RBFOX1: variants seen among roughly 807,000 people sequenced by gnomAD.
RBFOX1 encodes RNA binding fox-1 homolog 1, also known as RNA binding protein fox-1 homolog 1.
Under a neutral mutation model 57.7 loss-of-function variants are expected in RBFOX1, and 8 were observed. The ratio of observed to expected loss-of-function variants is 0.14; its 90% confidence interval spans 0.08 to 0.25. The LOEUF is 0.25. RBFOX1 is among the 10% of genes least tolerant of loss of function. RBFOX1 has a pLI of 1.00. For synonymous variants in RBFOX1, 326 were observed against 222.4 expected, an observed-to-expected ratio of 1.47 and a Z score of -4.15; for missense variants, 611 against 548.5, an observed-to-expected ratio of 1.11 and a Z score of -1.14.
chr16:7,419,692 C>G (rs1377260071), intron 4 of RBFOX1, among the ~76,000 whole-genome samples: 1 of 152,170 alleles, frequency 6.6e-6, no homozygotes, highest in African/African-American at 2.4e-5. Context: ...TCTCCCGACC[C>G]TCCAGTAGTT....
intron 4 of RBFOX1, among the ~76,000 whole-genome samples, chr16:7,366,341 G>C (rs759975439): frequency 2.6e-5 from 4 of 152,222 alleles, no homozygotes; most frequent in Non-Finnish European, 5.9e-5. Context: ...AAATCACAAA[G>C]GCACGGCACC....
At chr16:5,335,907 T>C (rs2064884537) in intron 1 of RBFOX1, among the ~76,000 whole-genome samples, 1 of 152,194 alleles carries the variant, frequency 6.6e-6, no homozygotes. Context: ...CTGCCATATA[T>C]GGATTCTGTG....
In RBFOX1 at chr16:5,980,476, A is replaced by T. The variant is rs369888651; in HGVS notation, c.351+113141A>T. Among the ~76,000 whole-genome samples the T allele has an allele frequency of 5.3e-5, 8 of 152,296 alleles. No individual in the cohort carries two copies. The East Asian group carries it at 1.4e-3, about 26-fold the overall frequency. Reference sequence around the variant, plus strand: ...ATTCTCGCTCTGGCCCTGGGCAGACAGCAGACCTGAGAGCTGTTCACAGTT... The same window carrying T: ...ATTCTCGCTCTGGCCCTGGGCAGACTGCAGACCTGAGAGCTGTTCACAGTT... On this transcript the variant is annotated intron_variant, in intron 4 of 19. Transcript: ENST00000641259.
intron 2 of RBFOX1, among the ~76,000 whole-genome samples, chr16:6,320,844 A>G (rs530441925): frequency 6.6e-6 from 1 of 152,282 alleles, no homozygotes; most frequent in East Asian, 1.9e-4. Context: ...CCCAGGCTGG[A>G]GTGCAGTGGC....
At chr16:7,672,809 G>C (rs1568390555) in intron 13 of RBFOX1, among the ~76,000 whole-genome samples, 1 of 128,720 alleles carries the variant, frequency 7.8e-6, no homozygotes, top group Non-Finnish European at 1.5e-5. Context: ...ACAGATTGCA[G>C]TGAGCCGAGA....
chr16:5,379,352 C>G (rs984137217), intron 1 of RBFOX1, among the ~76,000 whole-genome samples: 2 of 151,530 alleles, frequency 1.3e-5, no homozygotes, highest in African/African-American at 4.9e-5. Flanking sequence ...CAGAGAAACA[C>G]ACCCCCAGCC....
intron 4 of RBFOX1, among the ~76,000 whole-genome samples, chr16:7,079,768 T>G (rs1001103156): frequency 2.0e-5 from 3 of 152,022 alleles, no homozygotes; most frequent in Non-Finnish European, 4.4e-5. Context: ...AGGGTGGTGT[T>G]TGTGTGTGTT....
chr16:6,381,897 C>G (rs2091853339), intron 2 of RBFOX1, among the ~76,000 whole-genome samples: 1 of 152,230 alleles, frequency 6.6e-6, no homozygotes, highest in African/African-American at 2.4e-5. Flanking sequence ...CCCTGCTGCA[C>G]TGCAGATTCC....
At chr16:5,801,871 G>C (rs1015233283) in intron 3 of RBFOX1, among the ~76,000 whole-genome samples, 10 of 152,182 alleles carry the variant, frequency 6.6e-5, no homozygotes, top group African/African-American at 2.4e-4. Flanking sequence ...TATGGAAGTT[G>C]TGTATGCAGG....
intron 1 of RBFOX1, among the ~76,000 whole-genome samples, chr16:6,076,767 A>T (rs2095908296): frequency 6.6e-6 from 1 of 152,204 alleles, no homozygotes; most frequent in South Asian, 2.1e-4. Flanking sequence ...TACATAGATG[A>T]AATGGGACAG....
At chr16:6,372,750 G>A (rs933493998) in intron 2 of RBFOX1, among the ~76,000 whole-genome samples, 7 of 151,940 alleles carry the variant, frequency 4.6e-5, no homozygotes, top group Non-Finnish European at 8.8e-5. Context: ...TTGGATGGAA[G>A]GACAGTTGGT....
chr16:5,424,003 G>C (rs1400884045), intron 1 of RBFOX1, among the ~76,000 whole-genome samples: 1 of 152,142 alleles, frequency 6.6e-6, no homozygotes, highest in Non-Finnish European at 1.5e-5. Context: ...GCAATCTAAG[G>C]ATAAAGAAGG....
At chr16:5,659,378 A>G (rs1025440668) in intron 3 of RBFOX1, among the ~76,000 whole-genome samples, 11 of 143,088 alleles carry the variant, frequency 7.7e-5, no homozygotes, top group Middle Eastern at 3.7e-3. Flanking sequence ...ATCCCCGCTC[A>G]CTGCAACCTC....
At chr16:7,295,316 A>ATAAATGTAT (rs1364308053) in intron 4 of RBFOX1, among the ~76,000 whole-genome samples, 2 of 152,216 alleles carry the variant, frequency 1.3e-5, no homozygotes, top group African/African-American at 4.8e-5. Context: ...TAGTCCTTCC[A>ATAAATGTAT]TAAATGTATT....
rs185458205 is a variant in RBFOX1 at position 7,494,914 on chromosome 16, G to T, written c.28-23233G>T. 1.1e-3 allele frequency among the ~76,000 whole-genome samples: 157 copies of T among 145,934 alleles called. 1 individual carries two copies. The highest frequency in any genetic ancestry group is 3.8e-3 in the African/African-American group (148 of 39,464). On this transcript the variant is annotated intron_variant, in intron 4 of 15. Transcript: ENST00000550418. ...GTACATGTGTAGGATTGTTACATGG[G>T]TATATTGGACCAAGGTAATGAGCAT... is the stretch of plus-strand genomic sequence containing the variant.
In RBFOX1 at chr16:5,566,647, T is replaced by C. The variant is rs890232854; in HGVS notation, c.259-32255T>C. On this transcript the variant is annotated intron_variant, in intron 2 of 2. Transcript: ENST00000585867. ...ATGTATATATGTGTATATGTGTGTA[T>C]ATATGTGTATATATGTATATGTGTG... Among the ~76,000 whole-genome samples, 5 of 135,608 alleles carry C rather than the reference T, an allele frequency of 3.7e-5. No individual in the cohort carries two copies. In the South Asian group the frequency reaches 9.8e-4, roughly 26 times the overall value. 89.0% of individuals were successfully genotyped at this position (135,608 alleles called of 152,430 possible).
At chr16:6,745,942 C>G (rs2073503024) in intron 3 of RBFOX1, among the ~76,000 whole-genome samples, 1 of 152,084 alleles carries the variant, frequency 6.6e-6, no homozygotes. Flanking sequence ...TTGCAGGATG[C>G]AGTATCAATA....
intron 3 of RBFOX1, among the ~76,000 whole-genome samples, chr16:6,928,356 A>C (rs576137782): frequency 1.3e-5 from 2 of 152,172 alleles, no homozygotes; most frequent in African/African-American, 4.8e-5. Context: ...AAAGAGGAAA[A>C]GAGAATCCTG....
intron 4 of RBFOX1, among the ~76,000 whole-genome samples, chr16:7,342,739 G>A (rs188730425): frequency 6.6e-6 from 1 of 152,144 alleles, no homozygotes; most frequent in African/African-American, 2.4e-5. Context: ...TTGGCTCATG[G>A]CTCTGGGTGG....
Sources: allele counts gnomAD v4.1 joint callset (sites outside exome capture counted in the v4.1 genomes callset), GRCh38; gene constraint gnomAD v4.1.1; transcripts MANE v1.5; gene names NCBI Gene and HGNC (gene_info 2026-07-23, HGNC 2026-07-21).